Variants in USH2A observed in about 807,000 individuals in gnomAD.
USH2A encodes usherin.
Under a neutral mutation model 538.9 loss-of-function variants are expected in USH2A, and 443 were observed. That is an observed-to-expected ratio of 0.82 (90% CI 0.76 to 0.89). USH2A has a LOEUF of 0.89. Among genes scored for constraint, USH2A ranks in the 40% least tolerant of loss-of-function variants. The probability of loss-of-function intolerance (pLI) is 0.00; values close to 1 mark genes in which losing one functional copy is unlikely to be tolerated. For synonymous variants in USH2A, 2,413 were observed against 2,273.5 expected (o/e 1.06, Z -1.75); for missense variants, 6,633 against 6,324.8 (o/e 1.05, Z -1.65).
intron 44 of USH2A, among the ~76,000 whole-genome samples, chr1:215,860,878 G>A (rs1176264496): frequency 1.3e-5 from 2 of 152,168 alleles, no homozygotes; most frequent in Non-Finnish European, 2.9e-5. Flanking sequence ...ACCTTATTAA[G>A]CTGATTTTAT....
At chr1:216,069,473 CTTAAA>C (rs1343640834) in intron 30 of USH2A, among the ~76,000 whole-genome samples, 14 of 152,082 alleles carry the variant, frequency 9.2e-5, no homozygotes, top group African/African-American at 2.4e-5. Flanking sequence ...TTATCAAAGG[CTTAAA>C]TTAAACTCTC....
At chr1:215,632,815 A>C (rs142898086) in intron 70 of USH2A, among the ~76,000 whole-genome samples, 1 of 152,130 alleles carries the variant, frequency 6.6e-6, no homozygotes, top group African/African-American at 2.4e-5. Flanking sequence ...AACAAGGAAA[A>C]ATTTTGAAAT....
chr1:216,143,310 A>G (rs2033635509), intron 21 of USH2A, among the ~76,000 whole-genome samples: 1 of 152,164 alleles, frequency 6.6e-6, no homozygotes, highest in Non-Finnish European at 1.5e-5. Context: ...TTTTTCTCAG[A>G]TATTATCTAG....
chr1:216,351,216 C>A (rs945178718), intron 4 of USH2A, among the ~76,000 whole-genome samples: 10 of 152,042 alleles, frequency 6.6e-5, no homozygotes, highest in African/African-American at 2.4e-4. Context: ...TAAGTCAATT[C>A]TATAATACAT....
chr1:215,681,593 G>A (rs1658233050), intron 61 of USH2A, among the ~76,000 whole-genome samples: 1 of 152,192 alleles, frequency 6.6e-6, no homozygotes, highest in African/African-American at 2.4e-5. Flanking sequence ...AAAAAATTAT[G>A]TGTGGGGGCA....
At chr1:215,789,773 C>G (rs866073489) in intron 51 of USH2A, among the ~76,000 whole-genome samples, 2 of 152,250 alleles carry the variant, frequency 1.3e-5, no homozygotes, top group South Asian at 4.1e-4. Flanking sequence ...AGGCCCCAGA[C>G]GACCTGTGCT....
intron 37 of USH2A, among the ~76,000 whole-genome samples, chr1:215,961,924 G>A (rs1316579749): frequency 6.6e-6 from 1 of 151,774 alleles, no homozygotes; most frequent in Non-Finnish European, 1.5e-5. Flanking sequence ...AAGCAATAAT[G>A]AAGGGAAAAA....
intron 26 of USH2A, among the ~76,000 whole-genome samples, chr1:216,081,610 G>A (rs1443088704): frequency 6.6e-6 from 1 of 151,822 alleles, no homozygotes; most frequent in Non-Finnish European, 1.5e-5. Context: ...TGTTTTGTTT[G>A]TTTTGAGACA....
At chr1:216,011,734 C>G (rs534578001) in intron 32 of USH2A, among the ~76,000 whole-genome samples, 1 of 152,062 alleles carries the variant, frequency 6.6e-6, no homozygotes, top group East Asian at 1.9e-4. Flanking sequence ...TTTCCAAAAT[C>G]TATTTTCTTC....
chr1:216,335,339 A>G (rs1410094296), intron 4 of USH2A, among the ~76,000 whole-genome samples: 1 of 151,588 alleles, frequency 6.6e-6, no homozygotes, highest in Non-Finnish European at 1.5e-5. Context: ...TTAAAGAGAA[A>G]TTTATTAAAT....
chr1:215,845,691 A>T (rs1663819959), intron 45 of USH2A, 133 bp downstream of exon 45: 1 of 894,226 alleles, frequency 1.1e-6, no homozygotes, highest in Admixed American at 2.0e-5. Flanking sequence ...GCACTTAAGC[A>T]TTTTAGCCTC....
At chr1:215,797,906 T>G (rs1222402343) in intron 50 of USH2A, among the ~76,000 whole-genome samples, 1 of 152,158 alleles carries the variant, frequency 6.6e-6, no homozygotes, top group Non-Finnish European at 1.5e-5. Context: ...GTAATTCCTC[T>G]GATGGATCTG....
chr1:216,042,974 C>T (rs934168851), intron 32 of USH2A, among the ~76,000 whole-genome samples: 1 of 152,054 alleles, frequency 6.6e-6, no homozygotes, highest in African/African-American at 2.4e-5. Flanking sequence ...ATCAAGCTTG[C>T]CAACATCTTG....
At chr1:216,277,372 C>T (rs749556351) in intron 11 of USH2A, among the ~76,000 whole-genome samples, 6 of 152,084 alleles carry the variant, frequency 3.9e-5, no homozygotes, top group Non-Finnish European at 5.9e-5. Context: ...TTCTCTCTTG[C>T]TGATACATGC....
intron 3 of USH2A, among the ~76,000 whole-genome samples, chr1:216,397,270 A>C (rs957934847): frequency 6.6e-6 from 1 of 152,196 alleles, no homozygotes; most frequent in South Asian, 2.1e-4. Context: ...TCTTATAGGC[A>C]CTTTACAACT....
Position 215,759,747 on chromosome 1 carries a change from T to C in USH2A, c.11144A>G (p.Tyr3715Cys), listed in dbSNP as rs1660923940. Reference protein sequence around the residue: ...PEKPNGLVSQYQLSRNGNLLF... With the variant: ...PEKPNGLVSQCQLSRNGNLLF... Reference sequence around the variant, plus strand: ...CAAGTTTCCATTACGACTCAATTGATATTGAGAAACGAGGCCATTGGGCTT... The same window carrying C: ...CAAGTTTCCATTACGACTCAATTGACATTGAGAAACGAGGCCATTGGGCTT... Residue 3715 changes from tyrosine (Y) to cysteine (C), a missense_variant, in exon 57 of 72, where the codon TAT becomes TGT. Physicochemically the swap from Tyr to Cys is radical, Grantham distance 194 (BLOSUM62 -2). Transcript: ENST00000307340. The C allele has an allele frequency of 6.2e-7, 1 of 1,614,034 alleles. No individual in the cohort carries two copies. Among genetic ancestry groups the C allele is most frequent in the Non-Finnish European group, 8.5e-7 (1 of 1,179,914 alleles).
intron 61 of USH2A, among the ~76,000 whole-genome samples, chr1:215,690,275 G>C (rs1031666567): frequency 2.6e-5 from 4 of 152,104 alleles, no homozygotes; most frequent in African/African-American, 9.7e-5. Flanking sequence ...CTCTCCATAG[G>C]CATCTGTGGT....
At position 216,001,180 on chromosome 1, in the gene USH2A, A is replaced by G. The variant is rs72744660; in HGVS notation, c.6326-618T>C. On this transcript the variant is annotated intron_variant, in intron 32 of 71. Coordinates refer to ENST00000307340, the MANE Select transcript of USH2A (RefSeq NM_206933.4). Reference sequence around the variant, plus strand: ...CATACTTTTAGCTTAACACTTAAAAACACTGTGTCATGACTATATGATACA... The same window carrying G: ...CATACTTTTAGCTTAACACTTAAAAGCACTGTGTCATGACTATATGATACA... Among the ~76,000 whole-genome samples the G allele has an allele frequency of 9.1e-3, 1,389 of 152,292 alleles. 10 individuals are homozygous for G. The highest frequency in any genetic ancestry group is 0.014 in the Non-Finnish European group (969 of 68,024).
intron 32 of USH2A, among the ~76,000 whole-genome samples, chr1:216,043,432 A>G (rs577978910): frequency 7.2e-5 from 11 of 152,246 alleles, no homozygotes; most frequent in African/African-American, 2.4e-4. Context: ...TACAGCAGAA[A>G]AAAAAATGCT....
Sources: gnomAD v4.1 joint callset for allele counts (sites outside exome capture counted in the v4.1 genomes callset) on GRCh38, gnomAD v4.1.1 for gene constraint, MANE v1.5 for transcripts, NCBI Gene and HGNC (gene_info 2026-07-23, HGNC 2026-07-21) for gene names.